Variants in DTNA observed in about 807,000 individuals in gnomAD.
The protein encoded by DTNA is dystrobrevin alpha, also known as dystrophin-related protein 3.
DTNA carries 43 observed loss-of-function variants against 100.7 expected under a neutral mutation model. The ratio of observed to expected loss-of-function variants is 0.43; its 90% CI spans 0.33 to 0.55. The LOEUF is 0.55. DTNA is among the 20% of genes least tolerant of loss of function. DTNA has a pLI of 0.04. For synonymous variants in DTNA, 349 were observed against 347.9 expected, an observed-to-expected ratio of 1.00 and a Z score of -0.04; for missense variants, 798 against 953.9, an observed-to-expected ratio of 0.84 and a Z score of 2.15.
At chr18:34,853,969 A>G (rs969466173) in intron 15 of DTNA, among the ~76,000 whole-genome samples, 1 of 152,336 alleles carries the variant, frequency 6.6e-6, no homozygotes, top group South Asian at 2.1e-4. Context: ...AACAACCCAA[A>G]AAAAGGAAAA....
At chr18:34,615,540 G>A (rs534342283) in intron 1 of DTNA, among the ~76,000 whole-genome samples, 7 of 152,168 alleles carry the variant, frequency 4.6e-5, no homozygotes, top group African/African-American at 1.4e-4. Context: ...GATGATTGTC[G>A]GCATTTTTTG....
intron 1 of DTNA, among the ~76,000 whole-genome samples, chr18:34,571,950 A>G (rs373538478): frequency 3.9e-5 from 6 of 152,228 alleles, no homozygotes; most frequent in African/African-American, 1.4e-4. Context: ...TTTTCTTTGT[A>G]TTATAAAAAC....
chr18:34,873,187 T>G (rs2096782201), intron 17 of DTNA, among the ~76,000 whole-genome samples: 1 of 152,208 alleles, frequency 6.6e-6, no homozygotes, highest in African/African-American at 2.4e-5. Flanking sequence ...ATTGAATTAC[T>G]TACAAAAGTG....
intron 1 of DTNA, among the ~76,000 whole-genome samples, chr18:34,614,389 A>C (rs2054828425): frequency 6.6e-6 from 1 of 152,190 alleles, no homozygotes; most frequent in South Asian, 2.1e-4. Flanking sequence ...TCCAAGTCTC[A>C]TTATTTCAGA....
intron 4 of DTNA, among the ~76,000 whole-genome samples, chr18:34,806,016 A>G (rs780010821): frequency 6.6e-6 from 1 of 152,230 alleles, no homozygotes; most frequent in Non-Finnish European, 1.5e-5. Context: ...GGAAACATTG[A>G]ATAGACAGTT....
At position 34,717,365 on chromosome 18, in the gene DTNA, C is replaced by A. The variant is rs564649744; in HGVS notation, c.-2+6920C>A. Among the ~76,000 whole-genome samples the A allele has an allele frequency of 5.3e-5, 8 of 152,278 alleles. 1 individual carries two copies. In the South Asian group the frequency reaches 1.7e-3, roughly 32 times the overall value. ...TTTAATATCGGAGGTTAATTTCAAG[C>A]ACCTCTGCTAAATTCGGATGATATA... On this transcript the variant is annotated intron_variant, in intron 1 of 22. Transcript: ENST00000444659.
At chr18:34,518,500 CCTAA>C (rs1255608156) in intron 1 of DTNA, among the ~76,000 whole-genome samples, 1 of 151,824 alleles carries the variant, frequency 6.6e-6, no homozygotes, top group African/African-American at 2.4e-5. Flanking sequence ...GAATTCTTTA[CCTAA>C]ATCTCTATCC....
chr18:34,511,810 A>G (rs1340209996), intron 1 of DTNA, among the ~76,000 whole-genome samples: 4 of 152,096 alleles, frequency 2.6e-5, no homozygotes, highest in African/African-American at 7.2e-5. Context: ...ATATTAATAT[A>G]TAATAATAGA....
chr18:34,888,061 A>G lies in DTNA; in HGVS notation c.*327A>G. 1 of 985,774 alleles carries G rather than the reference A, an allele frequency of 1.0e-6. No homozygotes were observed. Among genetic ancestry groups the G allele is most frequent in the Non-Finnish European group, 1.2e-6 (1 of 829,954 alleles). The allele number at this position is 985,774 out of a possible 1,614,324, so 61.1% of individuals were successfully genotyped here. A position where few individuals can be genotyped will look rare whatever the true frequency, so the allele number is the denominator to read the frequency against. On this transcript the variant is annotated 3_prime_UTR_variant, in exon 23 of 23. Transcript: ENST00000444659. ...AGCTACATCCTCTGTAACGTGGTTC[A>G]TCCCTGGTTAAAAAGCAAACAAACA...
At chr18:34,512,208 A>T (rs556287403) in intron 1 of DTNA, among the ~76,000 whole-genome samples, 8 of 152,112 alleles carry the variant, frequency 5.3e-5, no homozygotes, top group African/African-American at 1.9e-4. Flanking sequence ...GCAATGTTAG[A>T]TATCCCTAGT....
At chr18:34,527,869 C>T (rs1200228804) in intron 1 of DTNA, among the ~76,000 whole-genome samples, 3 of 151,984 alleles carry the variant, frequency 2.0e-5, no homozygotes, top group Non-Finnish European at 4.4e-5. Context: ...AATAAAGTCA[C>T]CTATTTGGGG....
intron 1 of DTNA, among the ~76,000 whole-genome samples, chr18:34,643,027 C>T (rs2730117): frequency 0.2 from 29,847 of 152,138 alleles, 4,420 homozygotes; most frequent in African/African-American, 0.42. Context: ...CAGCAGGCTA[C>T]TGCAAACATC....
chr18:34,710,904 C>G lies in DTNA; in HGVS notation c.-2+459C>G, dbSNP rs1012896383. The stretch of plus-strand genomic sequence containing the variant: ...TAAGCAGTAGGACAAAGTTTTCCAG[C>G]AAAGTTATCTAGTGTGTTTATTGTA... On this transcript the variant is annotated intron_variant, in intron 1 of 22. Transcript: ENST00000444659. 2.9e-4 allele frequency among the ~76,000 whole-genome samples: 44 copies of G among 152,016 alleles called. 1 individual carries two copies. The highest frequency in any genetic ancestry group is 2.4e-3 in the Admixed American group (37 of 15,238).
chr18:34,767,951 T>C (rs2093575429), intron 3 of DTNA, among the ~76,000 whole-genome samples: 1 of 152,180 alleles, frequency 6.6e-6, no homozygotes, highest in Non-Finnish European at 1.5e-5. Flanking sequence ...TGAAAGAATT[T>C]GTTACTGTAT....
At chr18:34,496,245 C>CACACACACACACACACA (rs57258087) in intron 1 of DTNA, among the ~76,000 whole-genome samples, 1 of 148,438 alleles carries the variant, frequency 6.7e-6, no homozygotes, top group East Asian at 2.0e-4. Context: ...CACACACACA[C>CACACACACACACACACA]CAGAATTATG....
intron 1 of DTNA, among the ~76,000 whole-genome samples, chr18:34,674,453 T>C (rs377287618): frequency 1.2e-4 from 19 of 152,282 alleles, no homozygotes; most frequent in African/African-American, 4.6e-4. Context: ...AGCTTTTAAG[T>C]GTCCAAAAAG....
In DTNA at chr18:34,888,693, C is replaced by T. The variant is rs769048542; in HGVS notation, c.*959C>T. ...CCACAGGTGCCATAAGATCCCCAAACGGACTAAAGTTATCTCTGCTCTTCC... is the reference window on the plus strand; with the variant it reads ...CCACAGGTGCCATAAGATCCCCAAATGGACTAAAGTTATCTCTGCTCTTCC... On this transcript the variant is annotated 3_prime_UTR_variant, in exon 23 of 23. Transcript: ENST00000444659. The T allele has an allele frequency of 3.7e-5, 36 of 985,700 alleles. No homozygotes were observed. The highest frequency in any genetic ancestry group is 6.2e-5 in the Admixed American group (1 of 16,256). The allele number at this position is 985,700 out of a possible 1,614,324, so 61.1% of individuals were successfully genotyped here.
chr18:34,508,764 GAAT>G (rs2040744556), intron 1 of DTNA, among the ~76,000 whole-genome samples: 1 of 152,028 alleles, frequency 6.6e-6, no homozygotes, highest in South Asian at 2.1e-4. Flanking sequence ...CTCTTCTGAT[GAAT>G]AATATTTTAG....
chr18:34,508,731 A>G (rs2040741042), intron 1 of DTNA, among the ~76,000 whole-genome samples: 1 of 152,132 alleles, frequency 6.6e-6, no homozygotes, highest in Non-Finnish European at 1.5e-5. Flanking sequence ...AGAGGGCATA[A>G]TCGGTATTCA....
Sources: allele counts gnomAD v4.1 joint callset (sites outside exome capture counted in the v4.1 genomes callset), GRCh38; gene constraint gnomAD v4.1.1; transcripts MANE v1.5; gene names NCBI Gene and HGNC (gene_info 2026-07-23, HGNC 2026-07-21).